Variants in ZFYVE28 observed in about 807,000 individuals in gnomAD.
ZFYVE28 encodes the protein lateral signaling target protein 2 homolog.
Under a neutral mutation model 82.1 loss-of-function variants are expected in ZFYVE28, and 40 were observed. The observed-to-expected ratio is 0.49, with a 90% confidence interval of 0.38 to 0.63. The LOEUF is 0.63. Among genes scored for constraint, ZFYVE28 ranks in the 30% least tolerant of loss-of-function variants. The probability of loss-of-function intolerance (pLI) is 0.00; values close to 1 mark genes in which losing one functional copy is unlikely to be tolerated. For missense variants in ZFYVE28, 1,321 were observed against 1,242.1 expected (o/e 1.06, Z -0.96); for synonymous variants, 612 against 546.1 (o/e 1.12, Z -1.68).
At chr4:2,403,168 C>G (rs573727687) in intron 1 of ZFYVE28, among the ~76,000 whole-genome samples, 1 of 152,332 alleles carries the variant, frequency 6.6e-6, no homozygotes, top group South Asian at 2.1e-4. Context: ...CCTCAGCTAC[C>G]AGGGCTGCCC....
rs1270460174 is a variant in ZFYVE28 at position 2,408,106 on chromosome 4, C to G, written c.39+10179G>C. ...GAAGTGGCCTATGGGGCTTTCCTGG[C>G]CCCCTGGCCTCCAGGCCTCAAGGCC... On this transcript the variant is annotated intron_variant, in intron 1 of 12. Coordinates refer to ENST00000290974, the MANE Select transcript of ZFYVE28 (RefSeq NM_020972.3). This position sits in a 1 kb window ranked among gnomAD's most constrained non-coding sequence, Gnocchi z 4.3. Among the ~76,000 whole-genome samples the G allele has an allele frequency of 6.6e-6, 1 of 151,836 alleles. No homozygotes were observed. The highest frequency in any genetic ancestry group is 2.4e-5 in the African/African-American group (1 of 41,362).
intron 8 of ZFYVE28, among the ~76,000 whole-genome samples, chr4:2,279,006 A>C (rs1313825204): frequency 6.6e-6 from 1 of 151,992 alleles, no homozygotes; most frequent in Non-Finnish European, 1.5e-5. Context: ...AGGAACTGGA[A>C]TCCTCCTCTC....
intron 1 of ZFYVE28, among the ~76,000 whole-genome samples, chr4:2,367,470 C>T (rs984334303): frequency 6.6e-6 from 1 of 152,226 alleles, no homozygotes; most frequent in African/African-American, 2.4e-5. Flanking sequence ...GTCCGGTCAA[C>T]TCCTAGGATG....
chr4:2,303,423 G>A lies in ZFYVE28; in HGVS notation c.2051+866C>T, dbSNP rs557024299. On this transcript the variant is annotated intron_variant, in intron 8 of 12. Coordinates refer to ENST00000290974, the MANE Select transcript of ZFYVE28 (RefSeq NM_020972.3). ...TGCTGCCCGGCTCCCACGGCTCCTG[G>A]TGGGGGCTTTTCTGGTCTCCAGTTG... Among the ~76,000 whole-genome samples, 14 of 152,308 alleles carry A rather than the reference G, an allele frequency of 9.2e-5. No homozygotes were observed. In the East Asian group the frequency reaches 1.9e-3, roughly 21 times the overall value.
In ZFYVE28 at chr4:2,362,660, C is replaced by T. The variant is rs759029971; in HGVS notation, c.40-8587G>A. Among the ~76,000 whole-genome samples the T allele has an allele frequency of 6.6e-6, 1 of 152,148 alleles. No homozygotes were observed. Among genetic ancestry groups the T allele is most frequent in the Non-Finnish European group, 1.5e-5 (1 of 68,010 alleles). The stretch of plus-strand genomic sequence containing the variant: ...CTGACCTGGCAGCACCACCAGCCAC[C>T]GGCAGCAGATCTGGGGCCCCAGACA... On this transcript the variant is annotated intron_variant, in intron 1 of 12. Transcript: ENST00000290974. This position sits in a 1 kb window ranked among gnomAD's most constrained non-coding sequence, Gnocchi z 5.1.
chr4:2,293,549 C>T (rs1000612315), intron 8 of ZFYVE28, among the ~76,000 whole-genome samples: 3 of 151,926 alleles, frequency 2.0e-5, no homozygotes, highest in African/African-American at 7.3e-5. Flanking sequence ...GTCAGGAGAT[C>T]GAGACCATCC....
Position 2,341,888 on chromosome 4 carries a change from C to T in ZFYVE28, c.181-273G>A, listed in dbSNP as rs1157058945. Among the ~76,000 whole-genome samples, 2 of 152,172 alleles carry T rather than the reference C, an allele frequency of 1.3e-5. No individual in the cohort carries two copies. The highest frequency in any genetic ancestry group is 2.1e-4 in the South Asian group (1 of 4,834). On this transcript the variant is annotated intron_variant, in intron 2 of 12. Coordinates refer to ENST00000290974, the MANE Select transcript of ZFYVE28 (RefSeq NM_020972.3). The surrounding 1 kb of genome is among the most constrained non-coding windows in gnomAD (Gnocchi z 4.5). ...TACAAAAATTAGCCGGGCGTGGTAGCGCACACCTGTAATCCCAGCTATTAG... is the reference window on the plus strand; with the variant it reads ...TACAAAAATTAGCCGGGCGTGGTAGTGCACACCTGTAATCCCAGCTATTAG...
intron 7 of ZFYVE28, among the ~76,000 whole-genome samples, chr4:2,319,649 G>A (rs989060929): frequency 1.3e-5 from 2 of 152,190 alleles, no homozygotes; most frequent in African/African-American, 4.8e-5. Context: ...TGTCGGCTCA[G>A]GCCACCCAGC....
At position 2,356,204 on chromosome 4, in the gene ZFYVE28, C is replaced by G. The variant is rs148330829; in HGVS notation, c.40-2131G>C. 2.7e-3 allele frequency among the ~76,000 whole-genome samples: 413 copies of G among 152,328 alleles called. 5 individuals are homozygous for G. The highest frequency in any genetic ancestry group is 4.0e-3 in the Non-Finnish European group (274 of 68,022). On this transcript the variant is annotated intron_variant, in intron 1 of 12. Transcript: ENST00000290974. ...ACCCACACGAGGCCATCCACTGCCC[C>G]CCTGCCTGGGCTCCAGCGACGGCTG...
At chr4:2,337,603 G>A (rs73203396) in intron 4 of ZFYVE28, 107 bp from the exon 5 acceptor site, 135,006 of 823,264 alleles carry the variant, frequency 0.16, 13,486 homozygotes, top group Non-Finnish European at 0.18. Flanking sequence ...GGGCAAGGTG[G>A]GGGCGGGGGG....
intron 7 of ZFYVE28, among the ~76,000 whole-genome samples, chr4:2,306,630 G>T (rs1414559559): frequency 6.6e-6 from 1 of 152,178 alleles, no homozygotes; most frequent in Non-Finnish European, 1.5e-5. Context: ...CAACAAATAA[G>T]TACTTTTAAA....
intron 2 of ZFYVE28, among the ~76,000 whole-genome samples, chr4:2,345,075 C>T (rs1388993845): frequency 1.3e-5 from 2 of 151,852 alleles, no homozygotes; most frequent in East Asian, 1.9e-4. Context: ...AGCCGGGCAC[C>T]TGTAGTCCCA....
At chr4:2,366,328 C>T (rs1016108783) in intron 1 of ZFYVE28, among the ~76,000 whole-genome samples, 3 of 152,214 alleles carry the variant, frequency 2.0e-5, no homozygotes, top group South Asian at 2.1e-4. Context: ...CAAAGCTGCA[C>T]GTGGGCCTCC....
intron 1 of ZFYVE28, among the ~76,000 whole-genome samples, chr4:2,368,962 T>C (rs1230985426): frequency 6.6e-6 from 1 of 152,030 alleles, no homozygotes; most frequent in African/African-American, 2.4e-5. Context: ...GATTTCCCTA[T>C]GTCTTCGCCA....
chr4:2,383,177 A>G (rs2108916241), intron 1 of ZFYVE28, among the ~76,000 whole-genome samples: 1 of 152,248 alleles, frequency 6.6e-6, no homozygotes, highest in East Asian at 1.9e-4. Context: ...CGGAATTATA[A>G]GGTTTGGCTG....
intron 6 of ZFYVE28, chr4:2,330,358 G>A: frequency 3.0e-6 from 3 of 999,780 alleles, no homozygotes; most frequent in Non-Finnish European, 3.6e-6. Context: ...GCAGTGGTGG[G>A]GACATCGCAG....
chr4:2,405,128 A>G (rs1160683948), intron 1 of ZFYVE28, among the ~76,000 whole-genome samples: 1 of 152,236 alleles, frequency 6.6e-6, no homozygotes, highest in Non-Finnish European at 1.5e-5. Context: ...CCAAAGGCAT[A>G]TCCTTGGATA....
At chr4:2,403,666 T>C (rs1485230635) in intron 1 of ZFYVE28, among the ~76,000 whole-genome samples, 1 of 152,100 alleles carries the variant, frequency 6.6e-6, no homozygotes. Context: ...CCACTCTCTG[T>C]CAAGAACCAC....
At chr4:2,390,705 T>C (rs1020433228) in intron 1 of ZFYVE28, among the ~76,000 whole-genome samples, 3 of 152,278 alleles carry the variant, frequency 2.0e-5, no homozygotes, top group Non-Finnish European at 4.4e-5. Flanking sequence ...GTTTCCCTTT[T>C]GCCTCTCTAG....
Sources: allele counts gnomAD v4.1 joint callset (sites outside exome capture counted in the v4.1 genomes callset), GRCh38; gene constraint gnomAD v4.1.1; non-coding constraint Gnocchi (gnomAD v3.1); transcripts MANE v1.5; gene names NCBI Gene and HGNC (gene_info 2026-07-23, HGNC 2026-07-21).